The following PRKG1 variants were observed in gnomAD, a reference collection of about 807,000 sequenced individuals.
PRKG1 encodes cGMP-dependent protein kinase 1.
In PRKG1, 35 loss-of-function variants were observed where a neutral mutation model predicts 88.1. That is an observed-to-expected ratio of 0.40 (90% CI 0.30 to 0.53). The LOEUF (loss-of-function observed/expected upper bound fraction) is 0.53. Ranked by LOEUF, PRKG1 falls within the 20% of genes least tolerant of loss-of-function variation. PRKG1 has a pLI of 0.59. For missense variants in PRKG1, 540 were observed against 839.8 expected, an observed-to-expected ratio of 0.64 and a Z score of 4.41; for synonymous variants, 303 against 292.5, an observed-to-expected ratio of 1.04 and a Z score of -0.37.
intron 8 of PRKG1, among the ~76,000 whole-genome samples, chr10:52,148,983 T>TTA (rs1491582312): frequency 8.6e-5 from 9 of 104,828 alleles, no homozygotes; most frequent in Admixed American, 3.2e-4. Context: ...TTTTTTTTTT[T>TTA]AGGTTTGGAA....
chr10:51,437,873 C>A (rs1838981807), intron 2 of PRKG1, among the ~76,000 whole-genome samples: 1 of 149,632 alleles, frequency 6.7e-6, no homozygotes, highest in Non-Finnish European at 1.5e-5. Context: ...AGAGATGCTG[C>A]TAAGTATTCC....
In PRKG1 at chr10:51,978,591, A is replaced by G. The variant is rs114398139; in HGVS notation, c.762+71021A>G. On this transcript the variant is annotated intron_variant, in intron 5 of 17. Transcript: ENST00000373980. ...CATCCTATTGATTCTTCCTATCCAT[A>G]AGCATGGAATGTTTTTCCTTTTGTT... Among the ~76,000 whole-genome samples, 757 of 152,018 alleles carry G rather than the reference A, an allele frequency of 5.0e-3. 8 individuals carry two copies. Among genetic ancestry groups the G allele is most frequent in the African/African-American group, 0.017 (723 of 41,488 alleles).
chr10:52,101,024 G>A (rs1381606287), intron 7 of PRKG1, among the ~76,000 whole-genome samples: 1 of 152,098 alleles, frequency 6.6e-6, no homozygotes, highest in East Asian at 1.9e-4. Context: ...ATGGATATAT[G>A]CAAACAATCT....
chr10:52,296,418 C>T lies in PRKG1; in HGVS notation c.*2518C>T, dbSNP rs1375815217. 3 of 152,074 alleles carry T rather than the reference C, an allele frequency of 2.0e-5. No individual in the cohort carries two copies. The highest frequency in any genetic ancestry group is 7.2e-5 in the African/African-American group (3 of 41,440). 9.4% of individuals were successfully genotyped at this position (152,074 alleles called of 1,614,324 possible). A position where few individuals can be genotyped will look rare whatever the true frequency, so the allele number is the denominator to read the frequency against. The stretch of plus-strand genomic sequence containing the variant: ...ATTACCACAAAATAAAGGTAAACTA[C>T]ATCTTCCAAGATGTACCAACAGAAA... On this transcript the variant is annotated 3_prime_UTR_variant, in exon 18 of 18. Transcript: ENST00000373980.
chr10:51,098,540 AAG>A (rs1844600707), intron 1 of PRKG1, among the ~76,000 whole-genome samples: 1 of 152,302 alleles, frequency 6.6e-6, no homozygotes, highest in Non-Finnish European at 1.5e-5. Context: ...GGAAGGATGA[AAG>A]AGAGAAAATG....
At chr10:51,055,687 G>A (rs948814591) in intron 1 of PRKG1, among the ~76,000 whole-genome samples, 3 of 151,974 alleles carry the variant, frequency 2.0e-5, no homozygotes, top group Non-Finnish European at 4.4e-5. Context: ...GCAGTGAGGG[G>A]AGATCGTGCC....
chr10:51,029,496 G>A (rs1035327882), intron 1 of PRKG1, among the ~76,000 whole-genome samples: 26 of 152,000 alleles, frequency 1.7e-4, no homozygotes, highest in Admixed American at 1.3e-3. Context: ...TTCTCATGCC[G>A]GAATGTCAGA....
At chr10:52,197,580 C>G (rs1290869751) in intron 9 of PRKG1, among the ~76,000 whole-genome samples, 1 of 152,160 alleles carries the variant, frequency 6.6e-6, no homozygotes, top group Non-Finnish European at 1.5e-5. Context: ...GTTTTCCTTG[C>G]TAAATCACAG....
At chr10:51,024,758 A>G (rs2132738824) in intron 1 of PRKG1, among the ~76,000 whole-genome samples, 1 of 152,274 alleles carries the variant, frequency 6.6e-6, no homozygotes, top group South Asian at 2.1e-4. Context: ...AGCAGGAGGA[A>G]GAGAGGGAAA....
intron 2 of PRKG1, among the ~76,000 whole-genome samples, chr10:51,190,378 A>G (rs1372356456): frequency 6.6e-6 from 1 of 151,940 alleles, no homozygotes; most frequent in African/African-American, 2.4e-5. Context: ...ATAAAAATCT[A>G]GACAATCATA....
intron 9 of PRKG1, among the ~76,000 whole-genome samples, chr10:52,204,755 G>A (rs1271743297): frequency 1.3e-5 from 2 of 152,102 alleles, no homozygotes; most frequent in Admixed American, 6.6e-5. Context: ...CGCAAATTGT[G>A]ATAAACTGCA....
At chr10:51,656,234 C>G (rs1181476305) in intron 3 of PRKG1, among the ~76,000 whole-genome samples, 1 of 152,076 alleles carries the variant, frequency 6.6e-6, no homozygotes, top group Non-Finnish European at 1.5e-5. Flanking sequence ...TTCAGAAATA[C>G]CAAAATACAG....
intron 3 of PRKG1, among the ~76,000 whole-genome samples, chr10:51,792,943 A>G (rs1838906208): frequency 6.6e-6 from 1 of 152,120 alleles, no homozygotes; most frequent in South Asian, 2.1e-4. Flanking sequence ...CAGTCTGTAA[A>G]GAGTAAAATA....
intron 7 of PRKG1, among the ~76,000 whole-genome samples, chr10:52,116,352 GC>G (rs1160248246): frequency 6.6e-6 from 1 of 152,074 alleles, no homozygotes; most frequent in African/African-American, 2.4e-5. Context: ...TAAATTGCAT[GC>G]CCTGTATTTT....
intron 2 of PRKG1, among the ~76,000 whole-genome samples, chr10:51,229,926 C>CAAAAAAAAAAAAA (rs35300789): frequency 6.9e-4 from 23 of 33,102 alleles, no homozygotes; most frequent in South Asian, 1.4e-3. Flanking sequence ...GAGGCGATCT[C>CAAAAAAAAAAAAA]AAAAAAAAAA....
chr10:52,062,985 T>A, intron 7 of PRKG1: 1 of 576,688 alleles, frequency 1.7e-6, no homozygotes, highest in Non-Finnish European at 3.1e-6. Flanking sequence ...GTTGAAATTT[T>A]TGAAATCCCT....
Position 51,683,827 on chromosome 10 carries a change from T to C in PRKG1, c.593-120758T>C, listed in dbSNP as rs144421597. ...TGGGCATGCTCAACCTGGGAGTCCA[T>C]GGCAACTGAAAAACTCACAACTTTG... On this transcript the variant is annotated intron_variant, in intron 3 of 17. Transcript: ENST00000373980. 7.6e-4 allele frequency among the ~76,000 whole-genome samples: 115 copies of C among 152,278 alleles called. 1 individual carries two copies. The highest frequency in any genetic ancestry group is 2.7e-3 in the African/African-American group (113 of 41,550).
chr10:52,045,746 C>A (rs1845848833), intron 5 of PRKG1, among the ~76,000 whole-genome samples: 1 of 152,010 alleles, frequency 6.6e-6, no homozygotes, highest in East Asian at 1.9e-4. Flanking sequence ...ATTTGGGTTT[C>A]TACCAAGGAG....
chr10:51,230,868 G>A (rs1436526680), intron 2 of PRKG1, among the ~76,000 whole-genome samples: 2 of 151,706 alleles, frequency 1.3e-5, no homozygotes, highest in African/African-American at 4.8e-5. Flanking sequence ...TTAAATCCAC[G>A]AATGCAGAAC....
Sources: gnomAD v4.1 joint callset for allele counts (sites outside exome capture counted in the v4.1 genomes callset) on GRCh38, gnomAD v4.1.1 for gene constraint, MANE v1.5 for transcripts, NCBI Gene and HGNC (gene_info 2026-07-23, HGNC 2026-07-21) for gene names.